The following HTR2C variants were observed in gnomAD, a reference collection of about 807,000 sequenced individuals.
The protein encoded by HTR2C is 5-hydroxytryptamine receptor 2C.
Under a neutral mutation model 21.0 loss-of-function variants are expected in HTR2C, and 5 were observed. That is an observed-to-expected ratio of 0.24 (90% confidence interval 0.12 to 0.50). The LOEUF is 0.50. HTR2C is among the 20% of genes least tolerant of loss of function. HTR2C has a pLI of 0.98. For synonymous variants in HTR2C, 150 were observed against 145.3 expected (o/e 1.03, Z -0.23); for missense variants, 271 against 371.2 (o/e 0.73, Z 2.22).
chrX:114,758,922 T>G (rs2069839843), intron 4 of HTR2C, among the ~76,000 whole-genome samples: 1 of 111,827 alleles, frequency 8.9e-6, no homozygotes, highest in African/African-American at 3.2e-5. Flanking sequence ...TAACCTTAGG[T>G]GTACAGAACC....
At chrX:114,622,315 G>A (rs1382087142) in intron 2 of HTR2C, among the ~76,000 whole-genome samples, 1 of 111,062 alleles carries the variant, frequency 9.0e-6, no homozygotes, top group East Asian at 2.9e-4. Context: ...TGAGCATATG[G>A]GTTTTATAAA....
At position 114,891,369 on chromosome X, in the gene HTR2C, T is replaced by C. The variant is rs191227245; in HGVS notation, c.551-15220T>C. Reference sequence around the variant, plus strand: ...CTTTTGATTGAAAACTGGATATTGTTATACATTGACACTCTGGAGCTTGTT... The same window carrying C: ...CTTTTGATTGAAAACTGGATATTGTCATACATTGACACTCTGGAGCTTGTT... On this transcript the variant is annotated intron_variant, in intron 5 of 5. Coordinates refer to ENST00000276198, the MANE Select transcript of HTR2C (RefSeq NM_000868.4). Among the ~76,000 whole-genome samples, 531 of 110,790 alleles carry C rather than the reference T, an allele frequency of 4.8e-3. 4 individuals are homozygous for C. The highest frequency in any genetic ancestry group is 0.017 in the African/African-American group (506 of 30,496).
At chrX:114,703,644 A>G (rs1176798047) in intron 2 of HTR2C, among the ~76,000 whole-genome samples, 29 of 111,716 alleles carry the variant, frequency 2.6e-4, no homozygotes, top group Non-Finnish European at 4.9e-4. Flanking sequence ...CATCACAATT[A>G]AAAGAACTAG....
At chrX:114,748,715 C>T (rs147964708) in intron 4 of HTR2C, among the ~76,000 whole-genome samples, 3 of 112,000 alleles carry the variant, frequency 2.7e-5, no homozygotes, top group East Asian at 5.6e-4. Flanking sequence ...ATATTTTACA[C>T]CTTCTACAAA....
intron 2 of HTR2C, among the ~76,000 whole-genome samples, chrX:114,705,483 G>A (rs1226705496): frequency 9.3e-6 from 1 of 108,024 alleles, no homozygotes; most frequent in African/African-American, 3.3e-5. Flanking sequence ...AATAAATGGT[G>A]CTGGGAAAAC....
intron 2 of HTR2C, among the ~76,000 whole-genome samples, chrX:114,725,157 C>A (rs1469314787): frequency 1.8e-5 from 2 of 111,454 alleles, no homozygotes; most frequent in Non-Finnish European, 3.8e-5. Flanking sequence ...GTACACCAAT[C>A]AGAGGTAGAT....
chrX:114,833,768 T>G (rs148725865), intron 4 of HTR2C, among the ~76,000 whole-genome samples: 2,310 of 111,190 alleles, frequency 0.021, 73 homozygotes, highest in African/African-American at 0.072. Flanking sequence ...GCTCTTGCTT[T>G]TCTAGTTCTT....
intron 2 of HTR2C, among the ~76,000 whole-genome samples, chrX:114,631,849 ATC>A (rs1330217654): frequency 3.6e-5 from 4 of 110,740 alleles, no homozygotes; most frequent in African/African-American, 1.3e-4. Context: ...GTCCCCACTA[ATC>A]TCTCTCTCTC....
intron 4 of HTR2C, among the ~76,000 whole-genome samples, chrX:114,740,484 C>T (rs1242407812): frequency 9.0e-6 from 1 of 111,050 alleles, no homozygotes; most frequent in Non-Finnish European, 1.9e-5. Flanking sequence ...GGATGATAAA[C>T]GTGTGTTAAT....
intron 2 of HTR2C, among the ~76,000 whole-genome samples, chrX:114,641,897 C>T (rs1930146364): frequency 9.0e-6 from 1 of 110,943 alleles, no homozygotes; most frequent in South Asian, 3.9e-4. Flanking sequence ...TCCCCTTACC[C>T]CCACTCCCCG....
At chrX:114,782,609 T>C (rs782530739) in intron 4 of HTR2C, among the ~76,000 whole-genome samples, 1 of 109,794 alleles carries the variant, frequency 9.1e-6, no homozygotes, top group South Asian at 4.0e-4. Flanking sequence ...TCCCAACTAC[T>C]TGGGAAGCTG....
intron 2 of HTR2C, among the ~76,000 whole-genome samples, chrX:114,724,989 G>C (rs782230550): frequency 1.8e-5 from 2 of 110,504 alleles, no homozygotes; most frequent in East Asian, 5.8e-4. Context: ...TGACAAGTGT[G>C]TGTCTTAGAG....
At chrX:114,823,459 G>A (rs1556457082) in intron 4 of HTR2C, 1 of 346,424 alleles carries the variant, frequency 2.9e-6, no homozygotes, top group Non-Finnish European at 5.8e-6. Context: ...CATGGGCCGG[G>A]AGGTTGAACA....
intron 5 of HTR2C, among the ~76,000 whole-genome samples, chrX:114,905,409 T>C: frequency 8.9e-6 from 1 of 111,979 alleles, no homozygotes; most frequent in South Asian, 3.7e-4. Flanking sequence ...TTGTTTTTTT[T>C]CCCTCTTGAT....
chrX:114,848,167 A>C lies in HTR2C; in HGVS notation c.514A>C (p.Ile172Leu). The C allele has an allele frequency of 3.3e-6, 4 of 1,211,122 alleles. No individual in the cohort carries two copies. The highest frequency in any genetic ancestry group is 4.5e-6 in the Non-Finnish European group (4 of 894,803). ...HSRFNSRTKA[I>L]MKIAIVWAIS... is the part of the protein sequence containing the mutation. ...CCGTTTCAATTCGCGGACTAAGGCCATCATGAAGATTGCTATTGTTTGGGC... is the reference window on the plus strand; with the variant it reads ...CCGTTTCAATTCGCGGACTAAGGCCCTCATGAAGATTGCTATTGTTTGGGC... The change falls in exon 5 of 6, where the codon ATC (isoleucine) becomes CTC (leucine). Residue 172 changes from isoleucine to leucine, a missense_variant. This residue lies in a region of HTR2C where 192 missense variants were observed against 247.2 expected (regional missense o/e 0.78). Transcript: ENST00000276198.
chrX:114,837,931 G>A (rs1385606823), intron 4 of HTR2C, among the ~76,000 whole-genome samples: 1 of 110,876 alleles, frequency 9.0e-6, no homozygotes, highest in Non-Finnish European at 1.9e-5. Flanking sequence ...TCAAAATTAA[G>A]GGCACTGCCT....
chrX:114,741,867 G>A (rs2069652366), intron 4 of HTR2C, among the ~76,000 whole-genome samples: 1 of 110,174 alleles, frequency 9.1e-6, no homozygotes, highest in African/African-American at 3.3e-5. Context: ...AACCTATATG[G>A]GAATGAGGTT....
At chrX:114,647,358 A>T (rs1239498955) in intron 2 of HTR2C, among the ~76,000 whole-genome samples, 3 of 112,231 alleles carry the variant, frequency 2.7e-5, no homozygotes, top group Non-Finnish European at 5.6e-5. Flanking sequence ...AATGCATACA[A>T]TTATTATTTG....
At chrX:114,667,003 T>C (rs1467541200) in intron 2 of HTR2C, among the ~76,000 whole-genome samples, 2 of 111,282 alleles carry the variant, frequency 1.8e-5, no homozygotes, top group African/African-American at 6.5e-5. Flanking sequence ...CTGTAGTCTA[T>C]GAATTATCAG....
Sources: gnomAD v4.1 joint callset for allele counts (sites outside exome capture counted in the v4.1 genomes callset) on GRCh38, gnomAD v4.1.1 for gene constraint, gnomAD v4.1.1 regional missense constraint, MANE v1.5 for transcripts, NCBI Gene and HGNC (gene_info 2026-07-23, HGNC 2026-07-21) for gene names.